HMGN5: variants seen among roughly 807,000 people sequenced by gnomAD.
The protein encoded by HMGN5 is high mobility group nucleosome binding domain 5.
HMGN5 carries 4 observed loss-of-function variants against 9.5 expected under a neutral mutation model. That is an observed-to-expected ratio of 0.42 (90% CI 0.21 to 0.96). The LOEUF is 0.96. Ranked by LOEUF, HMGN5 falls within the 40% of genes least tolerant of loss-of-function variation. The pLI, the probability that HMGN5 is intolerant of heterozygous loss-of-function variation, is 0.30. For synonymous variants in HMGN5, 55 were observed against 57.1 expected (o/e 0.96, Z 0.16); for missense variants, 192 against 187.5 (o/e 1.02, Z -0.14).
At chrX:81,161,403 G>A (rs1043856530) in intron 1 of HMGN5, among the ~76,000 whole-genome samples, 2 of 110,806 alleles carry the variant, frequency 1.8e-5, no homozygotes, top group Non-Finnish European at 3.8e-5. Context: ...AGACATTTTG[G>A]AGCAAAACCA....
At position 81,140,051 on chromosome X, in the gene HMGN5, C is replaced by A. The variant is rs1261275595; in HGVS notation, c.-123-18379G>T. On this transcript the variant is annotated intron_variant, in intron 1 of 6. Transcript: ENST00000358130. ...TATTGGCATCAGCCCTCCCCTAACC[C>A]CAGGCTGCATAGCTGGCAGTCTTAA... is the stretch of plus-strand genomic sequence containing the variant. Among the ~76,000 whole-genome samples, 4 of 111,911 alleles carry A rather than the reference C, an allele frequency of 3.6e-5. No individual in the cohort carries two copies. The Admixed American group carries it at 3.8e-4, about 11-fold the overall frequency.
intron 1 of HMGN5, among the ~76,000 whole-genome samples, chrX:81,127,095 G>A (rs956899607): frequency 4.5e-5 from 5 of 111,944 alleles, no homozygotes; most frequent in African/African-American, 1.6e-4. Context: ...TGTAGATTGT[G>A]ACACTTCTAA....
chrX:81,150,427 T>G (rs1056060948), intron 1 of HMGN5, among the ~76,000 whole-genome samples: 1 of 110,486 alleles, frequency 9.1e-6, no homozygotes, highest in Non-Finnish European at 1.9e-5. Flanking sequence ...TAGCTGGGCA[T>G]GGTGGCGGAC....
chrX:81,138,939 A>G (rs1449683633), intron 1 of HMGN5, among the ~76,000 whole-genome samples: 1 of 112,053 alleles, frequency 8.9e-6, no homozygotes, highest in East Asian at 2.8e-4. Context: ...CAAGTTCTAT[A>G]TGCTTAAAAT....
At chrX:81,148,741 G>A (rs995957058) in intron 1 of HMGN5, among the ~76,000 whole-genome samples, 5 of 111,325 alleles carry the variant, frequency 4.5e-5, no homozygotes, top group Non-Finnish European at 7.5e-5. Context: ...ATCTGACAAA[G>A]GGCTAATATC....
chrX:81,184,683 C>A (rs749578824), intron 1 of HMGN5, among the ~76,000 whole-genome samples: 1 of 110,829 alleles, frequency 9.0e-6, no homozygotes, highest in South Asian at 3.8e-4. Context: ...TGGGTTATTA[C>A]TCAAAGAGAT....
At chrX:81,147,737 C>G (rs201038553) in intron 1 of HMGN5, among the ~76,000 whole-genome samples, 2 of 111,720 alleles carry the variant, frequency 1.8e-5, no homozygotes, top group Non-Finnish European at 3.8e-5. Context: ...AAAACCCCAT[C>G]GTCTCAGCCC....
chrX:81,116,410 A>G (rs1389827703), intron 5 of HMGN5, 69 bp from the exon 6 acceptor site: 1 of 739,371 alleles, frequency 1.4e-6, no homozygotes, highest in Non-Finnish European at 1.9e-6. Context: ...AATGGTCACA[A>G]TTATTTTACC....
rs768999977 is a variant in HMGN5 at position 81,114,428 on chromosome X, T to G, written c.*221A>C. 3.6e-6 allele frequency: 1 copy of G among 277,381 alleles called. No individual in the cohort carries two copies. The highest frequency in any genetic ancestry group is 2.8e-5 in the African/African-American group (1 of 36,064). 22.9% of individuals were successfully genotyped at this position (277,381 alleles called of 1,213,427 possible). ...AAATTCACTCACAAAGTTGAAAGCATATTTTTTTCTATGTATTCCACTACT... is the reference window on the plus strand; with the variant it reads ...AAATTCACTCACAAAGTTGAAAGCAGATTTTTTTCTATGTATTCCACTACT... On this transcript the variant is annotated 3_prime_UTR_variant, in exon 7 of 7. Coordinates refer to ENST00000358130, the MANE Select transcript of HMGN5 (RefSeq NM_030763.3).
chrX:81,194,858 C>A (rs1003596388), intron 1 of HMGN5, among the ~76,000 whole-genome samples: 1 of 111,880 alleles, frequency 8.9e-6, no homozygotes, highest in African/African-American at 3.2e-5. Context: ...TGAAAGGAAA[C>A]AGTTCTCAGC....
intron 1 of HMGN5, among the ~76,000 whole-genome samples, chrX:81,188,720 T>A (rs1469350206): frequency 9.1e-6 from 1 of 109,692 alleles, no homozygotes; most frequent in Non-Finnish European, 1.9e-5. Context: ...AGTGAGAATA[T>A]GCGGTGTTTG....
At chrX:81,199,335 A>G (rs1197440631) in intron 1 of HMGN5, among the ~76,000 whole-genome samples, 3 of 112,394 alleles carry the variant, frequency 2.7e-5, no homozygotes, top group African/African-American at 9.7e-5. Flanking sequence ...TGCTATCCCC[A>G]TCAAGCTACC....
At chrX:81,159,285 G>A (rs1381592479) in intron 1 of HMGN5, among the ~76,000 whole-genome samples, 1 of 111,137 alleles carries the variant, frequency 9.0e-6, no homozygotes, top group African/African-American at 3.3e-5. Context: ...GATGCATGCT[G>A]GGCTTAATGC....
chrX:81,167,059 A>G (rs1223101237), intron 1 of HMGN5, among the ~76,000 whole-genome samples: 1 of 111,433 alleles, frequency 9.0e-6, no homozygotes, highest in Admixed American at 9.6e-5. Context: ...TAAGGCTTCA[A>G]TCTATGTTAT....
chrX:81,154,636 C>T (rs937506509), intron 1 of HMGN5, among the ~76,000 whole-genome samples: 3 of 110,158 alleles, frequency 2.7e-5, no homozygotes, highest in East Asian at 5.7e-4. Flanking sequence ...GATTCATAAC[C>T]AGAATATATA....
At chrX:81,172,554 TA>T (rs35879365) in intron 1 of HMGN5, among the ~76,000 whole-genome samples, 32 of 99,945 alleles carry the variant, frequency 3.2e-4, no homozygotes, top group East Asian at 3.0e-4. Context: ...ACACCCAATG[TA>T]AAAAAAAAAA....
chrX:81,201,483 A>G (rs1208384936), intron 1 of HMGN5, among the ~76,000 whole-genome samples: 1 of 111,902 alleles, frequency 8.9e-6, no homozygotes, highest in Non-Finnish European at 1.9e-5. Flanking sequence ...CTTCATTCTT[A>G]AACTTGCCAA....
intron 1 of HMGN5, among the ~76,000 whole-genome samples, chrX:81,149,209 C>G (rs1445365192): frequency 9.0e-6 from 1 of 111,502 alleles, no homozygotes; most frequent in Admixed American, 9.6e-5. Context: ...TTGTCAATAG[C>G]AAAGACTTGG....
At chrX:81,125,170 G>C (rs939532857) in intron 1 of HMGN5, among the ~76,000 whole-genome samples, 3 of 108,372 alleles carry the variant, frequency 2.8e-5, no homozygotes, top group Non-Finnish European at 5.7e-5. Context: ...TGATTGACTA[G>C]TAAGAAATAC....
Sources: allele counts gnomAD v4.1 joint callset (sites outside exome capture counted in the v4.1 genomes callset), GRCh38; gene constraint gnomAD v4.1.1; transcripts MANE v1.5; gene names NCBI Gene and HGNC (gene_info 2026-07-23, HGNC 2026-07-21).